Variants in CRACD observed in about 807,000 individuals in gnomAD.
The protein encoded by CRACD is capping protein-inhibiting regulator of actin dynamics.
A neutral mutation model predicts 106.8 loss-of-function variants in CRACD; 56 were observed. That is an observed-to-expected ratio of 0.52 (90% CI 0.42 to 0.66). CRACD has a LOEUF of 0.66. Ranked by LOEUF, CRACD falls within the 30% of genes least tolerant of loss-of-function variation. The probability of loss-of-function intolerance (pLI) is 0.00; values close to 1 mark genes in which losing one functional copy is unlikely to be tolerated. For synonymous variants in CRACD, 754 were observed against 670.8 expected, an observed-to-expected ratio of 1.12 and a Z score of -1.92; for missense variants, 1,730 against 1,623.2, an observed-to-expected ratio of 1.07 and a Z score of -1.13.
At chr4:56,266,704 T>G (rs1469605153) in intron 2 of CRACD, among the ~76,000 whole-genome samples, 1 of 152,194 alleles carries the variant, frequency 6.6e-6, no homozygotes, top group East Asian at 1.9e-4. Flanking sequence ...ATCAAGAAAA[T>G]AGCTGCTACT....
At chr4:56,138,266 C>T (rs996225335) in intron 1 of CRACD, among the ~76,000 whole-genome samples, 1 of 152,072 alleles carries the variant, frequency 6.6e-6, no homozygotes, top group African/African-American at 2.4e-5. Context: ...GAGTTCAAGA[C>T]CAGCCTGGCC....
chr4:56,070,966 G>C (rs1253538683), intron 1 of CRACD, among the ~76,000 whole-genome samples: 11 of 151,190 alleles, frequency 7.3e-5, no homozygotes, highest in Admixed American at 7.3e-4. Flanking sequence ...CAGCTGCCCT[G>C]GTAAAACCCT....
At chr4:56,121,074 A>G (rs1191081700) in intron 1 of CRACD, among the ~76,000 whole-genome samples, 1 of 152,190 alleles carries the variant, frequency 6.6e-6, no homozygotes, top group Non-Finnish European at 1.5e-5. Flanking sequence ...CCTGGACTGG[A>G]TCATTCTTTA....
At chr4:56,303,455 C>T (rs577977046) in intron 4 of CRACD, among the ~76,000 whole-genome samples, 1 of 152,112 alleles carries the variant, frequency 6.6e-6, no homozygotes, top group East Asian at 1.9e-4. Context: ...CTTATCTTAA[C>T]AGTCTGGTTT....
intron 2 of CRACD, among the ~76,000 whole-genome samples, chr4:56,260,541 T>C (rs970893970): frequency 6.6e-6 from 1 of 152,228 alleles, no homozygotes; most frequent in African/African-American, 2.4e-5. Flanking sequence ...AGTTATTTAA[T>C]GAAACTGTAA....
chr4:56,134,960 G>T (rs1438065113), intron 1 of CRACD, among the ~76,000 whole-genome samples: 1 of 151,972 alleles, frequency 6.6e-6, no homozygotes, highest in Non-Finnish European at 1.5e-5. Context: ...CTAAATAGCA[G>T]GTAGTGCCTC....
chr4:56,118,224 G>A (rs180721619), intron 1 of CRACD, among the ~76,000 whole-genome samples: 30 of 149,092 alleles, frequency 2.0e-4, no homozygotes, highest in African/African-American at 6.8e-4. Flanking sequence ...AGGGACCTCA[G>A]AGATCACATG....
At chr4:56,200,710 A>G (rs1737841529) in intron 2 of CRACD, among the ~76,000 whole-genome samples, 1 of 152,234 alleles carries the variant, frequency 6.6e-6, no homozygotes, top group South Asian at 2.1e-4. Flanking sequence ...TATTTTTTAG[A>G]TCAGTTTTAG....
intron 2 of CRACD, among the ~76,000 whole-genome samples, chr4:56,191,431 C>T (rs1476011872): frequency 2.0e-5 from 3 of 151,924 alleles, no homozygotes; most frequent in Admixed American, 6.6e-5. Flanking sequence ...CTCCCTCCCT[C>T]TCTCTCTGTG....
intron 2 of CRACD, among the ~76,000 whole-genome samples, chr4:56,224,700 T>C (rs1739207572): frequency 6.6e-6 from 1 of 152,236 alleles, no homozygotes; most frequent in African/African-American, 2.4e-5. Context: ...TAGTCTTATA[T>C]TGACCTAATT....
intron 1 of CRACD, among the ~76,000 whole-genome samples, chr4:56,173,973 T>C (rs1350691800): frequency 6.6e-6 from 1 of 152,224 alleles, no homozygotes; most frequent in Non-Finnish European, 1.5e-5. Flanking sequence ...CCCTAATGGT[T>C]GAGCAACTTG....
rs1746665043 is a variant in CRACD, at chr4:56,329,402, AC to A, written c.*1600del. Among the ~76,000 whole-genome samples, 1 of 152,178 alleles carries A rather than the reference AC, an allele frequency of 6.6e-6. No individual in the cohort carries two copies. Among genetic ancestry groups the A allele is most frequent in the Non-Finnish European group, 1.5e-5 (1 of 68,026 alleles). On this transcript the variant is annotated 3_prime_UTR_variant, in exon 11 of 11. Coordinates refer to ENST00000682029, the MANE Select transcript of CRACD (RefSeq NM_001393381.1). ...TCAATATGCAATGTGCTGTTATTCT[AC>A]CATGTACCTTAAATAAAGGATGATG...
At chr4:56,294,913 C>CAAAAAAAAAA (rs56200534) in intron 3 of CRACD, among the ~76,000 whole-genome samples, 1 of 72,166 alleles carries the variant, frequency 1.4e-5, no homozygotes, top group Non-Finnish European at 2.5e-5. Context: ...GACCTTGTCT[C>CAAAAAAAAAA]AAAAAAAAAA....
At chr4:56,124,252 A>G (rs1423227770) in intron 1 of CRACD, among the ~76,000 whole-genome samples, 1 of 152,206 alleles carries the variant, frequency 6.6e-6, no homozygotes, top group Non-Finnish European at 1.5e-5. Flanking sequence ...TAATTTTTTA[A>G]TGATGGAAAT....
At chr4:56,270,026 T>C (rs1742255536) in intron 2 of CRACD, among the ~76,000 whole-genome samples, 1 of 152,174 alleles carries the variant, frequency 6.6e-6, no homozygotes, top group Admixed American at 6.5e-5. Flanking sequence ...TAAATATCCT[T>C]TCCTTTAAAT....
At chr4:56,265,257 C>A (rs28689672) in intron 2 of CRACD, among the ~76,000 whole-genome samples, 39,513 of 152,090 alleles carry the variant, frequency 0.26, 5,296 homozygotes, top group Non-Finnish European at 0.27. Context: ...TTCTCCTTAA[C>A]TTAGTAAAAT....
intron 1 of CRACD, among the ~76,000 whole-genome samples, chr4:56,056,598 CA>C (rs368856795): frequency 3.5e-5 from 5 of 142,556 alleles, no homozygotes; most frequent in Non-Finnish European, 3.1e-5. Flanking sequence ...AAAAAAAAAC[CA>C]AAAAAAAAAC....
At chr4:56,192,742 G>A (rs539879111) in intron 2 of CRACD, among the ~76,000 whole-genome samples, 11 of 152,158 alleles carry the variant, frequency 7.2e-5, no homozygotes, top group South Asian at 2.1e-4. Flanking sequence ...GGAAGACCCC[G>A]GATTTTAAGT....
chr4:56,135,715 G>A (rs767821393), intron 1 of CRACD, among the ~76,000 whole-genome samples: 6 of 152,272 alleles, frequency 3.9e-5, no homozygotes, highest in Non-Finnish European at 7.4e-5. Flanking sequence ...AGTTCCACGC[G>A]CAGGTAACTT....
Sources: allele counts gnomAD v4.1 joint callset (sites outside exome capture counted in the v4.1 genomes callset), GRCh38; gene constraint gnomAD v4.1.1; transcripts MANE v1.5; gene names NCBI Gene and HGNC (gene_info 2026-07-23, HGNC 2026-07-21).